The following LUZP2 variants were observed in gnomAD, a reference collection of about 807,000 sequenced individuals.
The protein encoded by LUZP2 is leucine zipper protein 2.
LUZP2 carries 52 observed loss-of-function variants against 51.6 expected under a neutral mutation model. The observed-to-expected ratio is 1.01, with a 90% CI of 0.81 to 1.27. The LOEUF (loss-of-function observed/expected upper bound fraction) is 1.27. LUZP2 is among the 50% of genes most tolerant of loss of function. The pLI, the probability that LUZP2 is intolerant of heterozygous loss-of-function variation, is 0.00. For synonymous variants in LUZP2, 154 were observed against 137.3 expected, an observed-to-expected ratio of 1.12 and a Z score of -0.85; for missense variants, 436 against 395.4, an observed-to-expected ratio of 1.10 and a Z score of -0.87.
chr11:24,635,959 T>A (rs544262811), intron 1 of LUZP2, among the ~76,000 whole-genome samples: 221 of 152,312 alleles, frequency 1.5e-3, no homozygotes, highest in Non-Finnish European at 2.5e-3. Context: ...AGACATGCTA[T>A]CCTTACATAT....
At chr11:24,576,136 G>A (rs1184191661) in intron 1 of LUZP2, among the ~76,000 whole-genome samples, 2 of 152,020 alleles carry the variant, frequency 1.3e-5, no homozygotes, top group African/African-American at 4.8e-5. Context: ...ATGGACACCT[G>A]GCATGGTGGC....
At chr11:24,808,725 C>G (rs1849928385) in intron 5 of LUZP2, among the ~76,000 whole-genome samples, 1 of 152,140 alleles carries the variant, frequency 6.6e-6, no homozygotes, top group Non-Finnish European at 1.5e-5. Context: ...AGTTAAATAT[C>G]TATAGTCCTT....
chr11:24,960,045 A>T (rs1855345291), intron 7 of LUZP2, among the ~76,000 whole-genome samples: 1 of 152,102 alleles, frequency 6.6e-6, no homozygotes, highest in Non-Finnish European at 1.5e-5. Context: ...GATATGCTGG[A>T]TTACATTTAT....
At chr11:24,964,727 TG>T (rs998665201) in intron 7 of LUZP2, among the ~76,000 whole-genome samples, 2 of 152,094 alleles carry the variant, frequency 1.3e-5, no homozygotes, top group African/African-American at 4.8e-5. Context: ...GATAGAATTT[TG>T]TCCTTATGAA....
At chr11:24,735,196 A>G (rs970931) in intron 3 of LUZP2, among the ~76,000 whole-genome samples, 70,768 of 151,688 alleles carry the variant, frequency 0.47, 18,495 homozygotes, top group African/African-American at 0.7. Context: ...GTGTGTTTGC[A>G]TGTATGCACT....
At chr11:24,705,224 G>T (rs1414354187) in intron 1 of LUZP2, among the ~76,000 whole-genome samples, 1 of 151,890 alleles carries the variant, frequency 6.6e-6, no homozygotes, top group Non-Finnish European at 1.5e-5. Flanking sequence ...ATTTCTAAAA[G>T]GTTGTTCTTG....
At chr11:25,046,238 T>A (rs868358487) in intron 9 of LUZP2, among the ~76,000 whole-genome samples, 78 of 91,578 alleles carry the variant, frequency 8.5e-4, no homozygotes, top group East Asian at 7.5e-3. Context: ...AAAAAAAAAA[T>A]GAGTCAATGA....
At chr11:24,983,748 T>C (rs4553330) in intron 9 of LUZP2, among the ~76,000 whole-genome samples, 149,902 of 150,208 alleles carry the variant, frequency 1, 74,798 homozygotes, top group Middle Eastern at 1. Flanking sequence ...TAAAAGTGTG[T>C]TTAGGTGTAT....
chr11:24,524,679 T>A (rs999668627), intron 1 of LUZP2, among the ~76,000 whole-genome samples: 2 of 151,726 alleles, frequency 1.3e-5, no homozygotes, highest in East Asian at 3.9e-4. Context: ...GTGATTTACG[T>A]AATTATGAGA....
At chr11:24,740,389 T>C (rs923323481) in intron 4 of LUZP2, among the ~76,000 whole-genome samples, 1 of 152,120 alleles carries the variant, frequency 6.6e-6, no homozygotes, top group African/African-American at 2.4e-5. Flanking sequence ...CACCTTTGCC[T>C]TCATCTCAGC....
intron 1 of LUZP2, among the ~76,000 whole-genome samples, chr11:24,552,690 G>A (rs755064584): frequency 1.3e-5 from 2 of 151,816 alleles, no homozygotes; most frequent in South Asian, 2.1e-4. Flanking sequence ...ATAATAAACC[G>A]CTCTCAATGG....
At chr11:24,987,942 T>TTA (rs1856234917) in intron 9 of LUZP2, among the ~76,000 whole-genome samples, 1 of 151,910 alleles carries the variant, frequency 6.6e-6, no homozygotes, top group South Asian at 2.1e-4. Flanking sequence ...CTGATACAAT[T>TTA]TAGCAGGAGT....
intron 1 of LUZP2, among the ~76,000 whole-genome samples, chr11:24,659,672 T>C (rs1855949204): frequency 6.6e-6 from 1 of 152,074 alleles, no homozygotes; most frequent in South Asian, 2.1e-4. Context: ...TTTAAATACA[T>C]AAAATATGCA....
chr11:24,552,220 A>G (rs1851744236), intron 1 of LUZP2, among the ~76,000 whole-genome samples: 1 of 152,096 alleles, frequency 6.6e-6, no homozygotes, highest in Admixed American at 6.6e-5. Context: ...AATTATCACA[A>G]TCAAATTAGT....
At position 24,613,738 on chromosome 11, in the gene LUZP2, T is replaced by A. The variant is rs552996525; in HGVS notation, c.63-115431T>A. ...GAGATAACATGAAGTTATTATTTTT[T>A]AAAAAGGAAGGAATGAAAGAGACAT... On this transcript the variant is annotated intron_variant, in intron 1 of 11. Transcript: ENST00000336930. 1.5e-4 allele frequency among the ~76,000 whole-genome samples: 23 copies of A among 152,102 alleles called. 1 individual carries two copies. The South Asian group carries it at 4.6e-3, about 30-fold the overall frequency.
intron 5 of LUZP2, among the ~76,000 whole-genome samples, chr11:24,847,002 C>G (rs930656023): frequency 2.0e-5 from 3 of 151,684 alleles, no homozygotes; most frequent in African/African-American, 7.3e-5. Flanking sequence ...ACAACACTCT[C>G]TCCATATATA....
At chr11:24,852,676 C>T (rs985784672) in intron 5 of LUZP2, among the ~76,000 whole-genome samples, 10 of 151,332 alleles carry the variant, frequency 6.6e-5, no homozygotes, top group East Asian at 1.9e-4. Context: ...TTTTCTGTTT[C>T]GTTGATCTGT....
intron 5 of LUZP2, among the ~76,000 whole-genome samples, chr11:24,772,588 T>C (rs1249507099): frequency 6.6e-6 from 1 of 152,234 alleles, no homozygotes; most frequent in Admixed American, 6.5e-5. Context: ...GTTAATTTCG[T>C]ATCCAGCATG....
intron 5 of LUZP2, among the ~76,000 whole-genome samples, chr11:24,775,987 G>T (rs992708186): frequency 3.9e-5 from 6 of 152,084 alleles, no homozygotes; most frequent in Non-Finnish European, 5.9e-5. Flanking sequence ...GTTAAAATTA[G>T]TTCATCAATA....
Sources: gnomAD v4.1 joint callset for allele counts (sites outside exome capture counted in the v4.1 genomes callset) on GRCh38, gnomAD v4.1.1 for gene constraint, MANE v1.5 for transcripts, NCBI Gene and HGNC (gene_info 2026-07-23, HGNC 2026-07-21) for gene names.